Variants in STPG2 observed in about 807,000 individuals in gnomAD.
The protein encoded by STPG2 is sperm tail PG-rich repeat containing 2.
STPG2 carries 56 observed loss-of-function variants against 54.2 expected under a neutral mutation model. That is an observed-to-expected ratio of 1.03 (90% CI 0.83 to 1.29). The LOEUF is 1.29. Among genes scored for constraint, STPG2 ranks in the 50% most tolerant of loss-of-function variants. STPG2 has a pLI of 0.00. For missense variants in STPG2, 596 were observed against 544.9 expected, an observed-to-expected ratio of 1.09 and a Z score of -0.93; for synonymous variants, 200 against 181.8, an observed-to-expected ratio of 1.10 and a Z score of -0.81.
intron 8 of STPG2, among the ~76,000 whole-genome samples, chr4:97,933,498 T>C (rs1386329343): frequency 6.6e-6 from 1 of 152,156 alleles, no homozygotes; most frequent in Non-Finnish European, 1.5e-5. Context: ...CGGTTTTGGG[T>C]TTTACATTTA....
At chr4:97,750,416 T>C (rs1725549542) in intron 9 of STPG2, among the ~76,000 whole-genome samples, 1 of 151,750 alleles carries the variant, frequency 6.6e-6, no homozygotes, top group Admixed American at 6.6e-5. Flanking sequence ...ATTTTTATAG[T>C]GTGAGGAGTT....
chr4:97,627,798 T>A (rs938018982), intron 10 of STPG2, among the ~76,000 whole-genome samples: 2 of 152,104 alleles, frequency 1.3e-5, no homozygotes, highest in East Asian at 3.9e-4. Context: ...AGCTAAGAAG[T>A]ACCATGATCT....
chr4:97,510,295 G>A (rs1478328243), intron 4 of STPG2, among the ~76,000 whole-genome samples: 1 of 152,086 alleles, frequency 6.6e-6, no homozygotes, highest in Admixed American at 6.6e-5. Flanking sequence ...TTGATATGGA[G>A]AAAGTGTTTA....
chr4:98,042,621 C>T (rs957466087), intron 5 of STPG2, among the ~76,000 whole-genome samples: 2 of 151,862 alleles, frequency 1.3e-5, no homozygotes, highest in African/African-American at 4.8e-5. Flanking sequence ...GTTTCAAGAG[C>T]ACCTATTGTT....
intron 4 of STPG2, among the ~76,000 whole-genome samples, chr4:97,499,306 T>TC (rs1730676599): frequency 6.6e-6 from 1 of 151,964 alleles, no homozygotes; most frequent in South Asian, 2.1e-4. Context: ...TGAATTACAT[T>TC]CAGCTGCAGC....
At chr4:97,951,819 G>T (rs1053421522) in intron 7 of STPG2, among the ~76,000 whole-genome samples, 1 of 152,122 alleles carries the variant, frequency 6.6e-6, no homozygotes, top group African/African-American at 2.4e-5. Flanking sequence ...AGGCTAGTAG[G>T]ATAGGCGTCC....
At chr4:97,793,835 T>A (rs1024497450) in intron 9 of STPG2, among the ~76,000 whole-genome samples, 5 of 152,076 alleles carry the variant, frequency 3.3e-5, no homozygotes, top group African/African-American at 1.2e-4. Flanking sequence ...AGTTTATATG[T>A]CCCAAATCAG....
chr4:97,694,365 T>C (rs1723490695), intron 10 of STPG2, among the ~76,000 whole-genome samples: 2 of 151,316 alleles, frequency 1.3e-5, no homozygotes, highest in Non-Finnish European at 2.9e-5. Flanking sequence ...ACAAAAAAAA[T>C]CATTCAAGGC....
intron 10 of STPG2, among the ~76,000 whole-genome samples, chr4:97,590,630 G>GAC (rs1553940782): frequency 2.2e-5 from 2 of 90,234 alleles, no homozygotes; most frequent in East Asian, 5.9e-4. Context: ...CATACACACA[G>GAC]ACACACAGAC....
intron 10 of STPG2, among the ~76,000 whole-genome samples, chr4:97,568,280 CTT>C (rs1732507128): frequency 6.6e-6 from 1 of 152,002 alleles, no homozygotes; most frequent in Admixed American, 6.6e-5. Context: ...CATCCTGAAA[CTT>C]TTTTTGTGCA....
chr4:97,840,032 G>C (rs1440689658), intron 9 of STPG2, among the ~76,000 whole-genome samples: 1 of 151,398 alleles, frequency 6.6e-6, no homozygotes, highest in Admixed American at 6.6e-5. Context: ...TTCATTTCCA[G>C]CAAGTGTTAC....
chr4:97,657,709 A>C (rs1302213023), intron 10 of STPG2, among the ~76,000 whole-genome samples: 3 of 152,216 alleles, frequency 2.0e-5, no homozygotes, highest in Non-Finnish European at 4.4e-5. Context: ...ATGTGAACTC[A>C]AAGTATTACT....
intron 4 of STPG2, among the ~76,000 whole-genome samples, chr4:97,506,537 G>C (rs1263627909): frequency 6.6e-6 from 1 of 151,786 alleles, no homozygotes; most frequent in Non-Finnish European, 1.5e-5. Flanking sequence ...TATCCAAGTT[G>C]AAAACACAAA....
At chr4:98,018,702 C>T (rs28794840) in intron 5 of STPG2, among the ~76,000 whole-genome samples, 56,829 of 147,556 alleles carry the variant, frequency 0.39, 11,272 homozygotes, top group Middle Eastern at 0.45. Context: ...TTTTGAATGA[C>T]TGCCATTCTA....
At chr4:97,630,041 T>G (rs1349894133) in intron 10 of STPG2, among the ~76,000 whole-genome samples, 1 of 151,952 alleles carries the variant, frequency 6.6e-6, no homozygotes, top group African/African-American at 2.4e-5. Flanking sequence ...GCACCAGCTG[T>G]TAGGTTTATA....
At chr4:97,679,581 G>A (rs1270864990) in intron 10 of STPG2, among the ~76,000 whole-genome samples, 2 of 151,882 alleles carry the variant, frequency 1.3e-5, no homozygotes, top group African/African-American at 4.8e-5. Flanking sequence ...TAGGTTGCCT[G>A]TTCACTCTGA....
chr4:97,923,065 A>G (rs1001074414), intron 8 of STPG2, among the ~76,000 whole-genome samples: 1 of 152,234 alleles, frequency 6.6e-6, no homozygotes, highest in Non-Finnish European at 1.5e-5. Flanking sequence ...GTTGATAATA[A>G]TAATATTGAG....
chr4:97,615,761 A>G (rs1176715680), intron 10 of STPG2, among the ~76,000 whole-genome samples: 1 of 151,760 alleles, frequency 6.6e-6, no homozygotes, highest in East Asian at 1.9e-4. Flanking sequence ...ACCAAAAATA[A>G]AAGATAGTGG....
intron 5 of STPG2, among the ~76,000 whole-genome samples, chr4:98,023,663 G>C (rs1010017509): frequency 7.9e-5 from 12 of 152,304 alleles, no homozygotes; most frequent in Non-Finnish European, 1.5e-4. Context: ...AGGCCTCCTT[G>C]AGCTGTGGTG....
Sources: allele counts gnomAD v4.1 joint callset (sites outside exome capture counted in the v4.1 genomes callset), GRCh38; gene constraint gnomAD v4.1.1; transcripts MANE v1.5; gene names NCBI Gene and HGNC (gene_info 2026-07-23, HGNC 2026-07-21).